Variants in FGF12 observed in about 807,000 individuals in gnomAD.
FGF12 encodes fibroblast growth factor 12B.
A neutral mutation model predicts 23.6 loss-of-function variants in FGF12; 14 were observed. The observed-to-expected ratio is 0.59, with a 90% CI of 0.39 to 0.93. The LOEUF (loss-of-function observed/expected upper bound fraction) is 0.93, where lower values mean the gene tolerates loss of function less well. Ranked by LOEUF, FGF12 falls within the 40% of genes least tolerant of loss-of-function variation. FGF12 has a pLI of 0.00. For synonymous variants in FGF12, 62 were observed against 77.3 expected (o/e 0.80, Z 1.04); for missense variants, 175 against 217.8 (o/e 0.80, Z 1.24).
chr3:192,182,877 T>C (rs367839087), intron 4 of FGF12, among the ~76,000 whole-genome samples: 1 of 152,190 alleles, frequency 6.6e-6, no homozygotes, highest in African/African-American at 2.4e-5. Context: ...AGGGCTTTTA[T>C]TGGGGGTCTT....
At chr3:192,167,089 CAG>C (rs2108612560) in intron 5 of FGF12, among the ~76,000 whole-genome samples, 1 of 146,342 alleles carries the variant, frequency 6.8e-6, no homozygotes, top group South Asian at 2.1e-4. Flanking sequence ...AAGCCTGAAG[CAG>C]AGTTTTTAGT....
chr3:192,359,022 C>T (rs916555268), intron 3 of FGF12, among the ~76,000 whole-genome samples: 2 of 152,096 alleles, frequency 1.3e-5, no homozygotes, highest in Admixed American at 6.6e-5. Context: ...CATTCAGTTA[C>T]AGACGCAATA....
intron 2 of FGF12, among the ~76,000 whole-genome samples, chr3:192,712,457 T>G (rs1718722243): frequency 6.6e-6 from 1 of 151,214 alleles, no homozygotes. Context: ...TACTATCAAT[T>G]TTCAAAACAC....
intron 2 of FGF12, among the ~76,000 whole-genome samples, chr3:192,527,211 C>T (rs918881957): frequency 6.6e-6 from 1 of 152,138 alleles, no homozygotes; most frequent in Non-Finnish European, 1.5e-5. Flanking sequence ...TATGACACAG[C>T]AAAAAGGCCC....
chr3:192,363,145 G>T (rs893590590), intron 2 of FGF12, among the ~76,000 whole-genome samples: 2 of 151,358 alleles, frequency 1.3e-5, no homozygotes, highest in Non-Finnish European at 2.9e-5. Context: ...TGTAAATGAC[G>T]AGTTAATGGG....
intron 2 of FGF12, among the ~76,000 whole-genome samples, chr3:192,660,062 T>C (rs1716594166): frequency 6.6e-6 from 1 of 151,858 alleles, no homozygotes; most frequent in Non-Finnish European, 1.5e-5. Context: ...CACACACACG[T>C]ATGTTTATTG....
chr3:192,157,109 A>G lies in FGF12; in HGVS notation c.428-12982T>C, dbSNP rs185558323. Among the ~76,000 whole-genome samples, 124 of 152,332 alleles carry G rather than the reference A, an allele frequency of 8.1e-4. 1 individual carries two copies. Among genetic ancestry groups the G allele is most frequent in the East Asian group, 2.1e-3 (11 of 5,186 alleles). ...GGTTTCTAATAACACAGCTCACAGT[A>G]TGTACTACTTTAAAGCACAGTATTT... On this transcript the variant is annotated intron_variant, in intron 5 of 5. Coordinates refer to ENST00000445105, the MANE Select transcript of FGF12 (RefSeq NM_004113.6).
chr3:192,437,083 G>A (rs889742752), intron 2 of FGF12, among the ~76,000 whole-genome samples: 6 of 152,080 alleles, frequency 3.9e-5, no homozygotes, highest in African/African-American at 1.4e-4. Context: ...TTCCTTAAAA[G>A]GTCTTGCAGC....
intron 5 of FGF12, among the ~76,000 whole-genome samples, chr3:192,149,471 C>A (rs60620571): frequency 8.7e-6 from 1 of 114,828 alleles, no homozygotes; most frequent in African/African-American, 3.3e-5. Context: ...CCCCTCCCCC[C>A]ACCCCACAAC....
chr3:192,210,966 A>G (rs1717899788), intron 4 of FGF12, among the ~76,000 whole-genome samples: 1 of 152,224 alleles, frequency 6.6e-6, no homozygotes. Flanking sequence ...TAGATCCTGT[A>G]AGCCATTGTG....
intron 2 of FGF12, among the ~76,000 whole-genome samples, chr3:192,625,986 A>T (rs1246174916): frequency 1.3e-5 from 2 of 152,230 alleles, no homozygotes; most frequent in Non-Finnish European, 2.9e-5. Context: ...AAGATGAGAC[A>T]GTCCCTGTTG....
At chr3:192,293,082 G>A (rs1337690383) in intron 4 of FGF12, among the ~76,000 whole-genome samples, 3 of 152,036 alleles carry the variant, frequency 2.0e-5, no homozygotes, top group Admixed American at 6.6e-5. Context: ...CTGACTTCTT[G>A]AGAGGTAATT....
At chr3:192,147,978 A>T (rs1713818205) in intron 5 of FGF12, among the ~76,000 whole-genome samples, 1 of 149,428 alleles carries the variant, frequency 6.7e-6, no homozygotes, top group Non-Finnish European at 1.5e-5. Flanking sequence ...GTTGGTGAGT[A>T]TGTGGAGAAA....
chr3:192,499,521 T>TTTG (rs1724068413), intron 2 of FGF12, among the ~76,000 whole-genome samples: 1 of 71,198 alleles, frequency 1.4e-5, no homozygotes, highest in Non-Finnish European at 2.6e-5. Context: ...TATATATTTT[T>TTTG]TTTTTTTTTT....
intron 4 of FGF12, among the ~76,000 whole-genome samples, chr3:192,322,077 A>C (rs1427768560): frequency 6.8e-6 from 1 of 147,010 alleles, no homozygotes; most frequent in African/African-American, 2.7e-5. Flanking sequence ...ACCTAAGGAC[A>C]AAAAAAAACA....
At chr3:192,295,217 T>C (rs910294865) in intron 4 of FGF12, among the ~76,000 whole-genome samples, 2 of 152,224 alleles carry the variant, frequency 1.3e-5, no homozygotes, top group African/African-American at 4.8e-5. Flanking sequence ...CATTGTACTT[T>C]TTGGTGTGGG....
At chr3:192,407,457 G>A (rs1721008649) in intron 2 of FGF12, among the ~76,000 whole-genome samples, 1 of 152,172 alleles carries the variant, frequency 6.6e-6, no homozygotes, top group South Asian at 2.1e-4. Context: ...ATGAAGAGGT[G>A]AGAAATTGAC....
At chr3:192,171,705 C>T (rs12495412) in intron 4 of FGF12, among the ~76,000 whole-genome samples, 6,629 of 152,258 alleles carry the variant, frequency 0.044, 191 homozygotes, top group Admixed American at 0.059. Context: ...CAGTCACCAT[C>T]TTCCTCTCCA....
At chr3:192,259,089 G>A (rs1365649103) in intron 4 of FGF12, among the ~76,000 whole-genome samples, 1 of 152,112 alleles carries the variant, frequency 6.6e-6, no homozygotes, top group South Asian at 2.1e-4. Context: ...TCCATCATGA[G>A]TAGCTTTTCC....
Sources: gnomAD v4.1 joint callset for allele counts (sites outside exome capture counted in the v4.1 genomes callset) on GRCh38, gnomAD v4.1.1 for gene constraint, MANE v1.5 for transcripts, NCBI Gene and HGNC (gene_info 2026-07-23, HGNC 2026-07-21) for gene names.